The following SEC31A variants were observed in gnomAD, a reference collection of about 807,000 sequenced individuals.
The protein encoded by SEC31A is SEC31 homolog A, COPII component, also known as protein transport protein Sec31A.
In SEC31A, 70 loss-of-function variants were observed where a neutral mutation model predicts 151.0. The observed-to-expected ratio is 0.46, with a 90% CI of 0.38 to 0.57. SEC31A has a LOEUF of 0.57. Among genes scored for constraint, SEC31A ranks in the 20% least tolerant of loss-of-function variants. SEC31A has a pLI of 0.00. For missense variants in SEC31A, 1,330 were observed against 1,471.2 expected (o/e 0.90, Z 1.57); for synonymous variants, 475 against 505.9 (o/e 0.94, Z 0.82).
chr4:82,869,570 T>A (rs1736200336), intron 8 of SEC31A, among the ~76,000 whole-genome samples: 1 of 152,172 alleles, frequency 6.6e-6, no homozygotes, highest in African/African-American at 2.4e-5. Flanking sequence ...GTAAGTTCCA[T>A]GAATTTTGAA....
In SEC31A at chr4:82,853,634, T is replaced by C. The variant is rs778943640; in HGVS notation, c.2090A>G (p.Asn697Ser). ...CCAACATGCAACTAATTTCTCTACA[T>C]TCCCTGCACAAATATAGCAGAGACA... ...QACLCYICAGNVEKLVACWTK... is the reference protein window; with the variant it reads ...QACLCYICAGSVEKLVACWTK... Residue 697 changes from asparagine to serine, a missense_variant, in exon 18 of 27, where the codon AAT (asparagine) becomes AGT (serine). By Grantham distance (46) the Asn-to-Ser change is conservative. Coordinates refer to ENST00000395310, the MANE Select transcript of SEC31A (RefSeq NM_001077207.4). The C allele has an allele frequency of 2.5e-6, 4 of 1,604,590 alleles. No homozygotes were observed. The South Asian group carries it at 4.5e-5, about 18-fold the overall frequency.
intron 17 of SEC31A, 46 bp downstream of exon 17, chr4:82,854,857 C>T (rs775026968): frequency 5.4e-5 from 82 of 1,524,870 alleles, no homozygotes; most frequent in South Asian, 7.8e-5. Context: ...TACAATATAC[C>T]CTGCCACGTA....
intron 22 of SEC31A, among the ~76,000 whole-genome samples, chr4:82,839,498 G>C (rs1415175943): frequency 6.6e-6 from 1 of 152,132 alleles, no homozygotes; most frequent in African/African-American, 2.4e-5. Flanking sequence ...CATCGGCCAG[G>C]CTGGTCTCAA....
intron 4 of SEC31A, among the ~76,000 whole-genome samples, chr4:82,877,216 C>T (rs989683263): frequency 6.6e-5 from 10 of 152,052 alleles, no homozygotes; most frequent in South Asian, 2.1e-4. Flanking sequence ...GGGAGCAAGA[C>T]GCTGTTTCAA....
Position 82,874,675 on chromosome 4 carries a change from C to T in SEC31A, c.575G>A (p.Arg192Gln), listed in dbSNP as rs746816095. 67 of 1,612,934 alleles carry T rather than the reference C, an allele frequency of 4.2e-5. No individual in the cohort carries two copies. The highest frequency in any genetic ancestry group is 8.4e-5 in the Admixed American group (5 of 59,664). Residue 192 changes from arginine (R) to glutamine (Q), a missense_variant, in exon 6 of 27, where the codon CGG becomes CAG. Coordinates refer to ENST00000395310, the MANE Select transcript of SEC31A (RefSeq NM_001077207.4). ...HILASASPSG[R>Q]ATVWDLRKNE... is the part of the protein sequence containing the mutation. Reference sequence around the variant, plus strand: ...TTTTCTAAGATCCCATACAGTGGCCCGGCCACTGGGACTGGCTGATGCTAA... The same window carrying T: ...TTTTCTAAGATCCCATACAGTGGCCTGGCCACTGGGACTGGCTGATGCTAA...
chr4:82,881,651 G>C (rs776341647), intron 2 of SEC31A, among the ~76,000 whole-genome samples: 1 of 152,152 alleles, frequency 6.6e-6, no homozygotes, highest in Admixed American at 6.5e-5. Flanking sequence ...TACAATTCCT[G>C]TGAAGGAAAA....
At chr4:82,841,507 G>A (rs540982787) in intron 22 of SEC31A, among the ~76,000 whole-genome samples, 27 of 123,448 alleles carry the variant, frequency 2.2e-4, no homozygotes, top group East Asian at 2.1e-3. Flanking sequence ...TGGGCTTGGC[G>A]GCTCGTGCCT....
rs769024482 is a variant in SEC31A at position 82,848,869 on chromosome 4, T to C, written c.2437A>G (p.Arg813Gly). The C allele has an allele frequency of 3.7e-5, 59 of 1,614,038 alleles. No individual in the cohort carries two copies. The highest frequency in any genetic ancestry group is 4.7e-5 in the Non-Finnish European group (56 of 1,180,002). ...TGGTGGCCAGCAACTGGTCCAGGCC[T>C]GCCCTTGGGGAGCTGCTGTTTCTCG... ...PYEKQQLPKG[R>G]PGPVAGHHQM... The change falls in exon 20 of 27, where the codon AGG becomes GGG. Residue 813 changes from arginine (R) to glycine (G), a missense_variant. By Grantham distance (125) the Arg-to-Gly change is moderately radical. Transcript: ENST00000395310.
rs748722172 is a variant in SEC31A, at chr4:82,848,879, G to A, written c.2427C>T (p.Leu809=). Residue 809 remains leucine (L), a synonymous_variant, in exon 20 of 27, where the codon CTC becomes CTT. Coordinates refer to ENST00000395310, the MANE Select transcript of SEC31A (RefSeq NM_001077207.4). ...SPKIPYEKQQ[L]PKGRPGPVAG... ...CAACTGGTCCAGGCCTGCCCTTGGG[G>A]AGCTGCTGTTTCTCGTACGGAATTT... 1 of 1,614,108 alleles carries A rather than the reference G, an allele frequency of 6.2e-7. No homozygotes were observed. The highest frequency in any genetic ancestry group is 1.1e-5 in the South Asian group (1 of 91,078).
chr4:82,860,368 G>A (rs1290434467), intron 14 of SEC31A, among the ~76,000 whole-genome samples: 1 of 152,162 alleles, frequency 6.6e-6, no homozygotes, highest in Non-Finnish European at 1.5e-5. Context: ...ATTCATGAGT[G>A]CATTCCCAAA....
At chr4:82,844,126 G>A (rs1390889410) in intron 21 of SEC31A, 1 of 394,462 alleles carries the variant, frequency 2.5e-6, no homozygotes, top group East Asian at 3.6e-5. Context: ...TGGGACACTT[G>A]ATTATCTTTA....
At chr4:82,839,988 A>G (rs1197889802) in intron 22 of SEC31A, among the ~76,000 whole-genome samples, 1 of 140,134 alleles carries the variant, frequency 7.1e-6, no homozygotes, top group Non-Finnish European at 1.5e-5. Flanking sequence ...TGAAATTGCA[A>G]TGATGATAGT....
At chr4:82,864,704 CA>C (rs1734925978) in intron 10 of SEC31A, 106 bp from the exon 11 acceptor site, 3 of 758,918 alleles carry the variant, frequency 4.0e-6, no homozygotes, top group Non-Finnish European at 6.5e-6. Flanking sequence ...TTAGTTGATA[CA>C]ACCTCTCATG....
chr4:82,881,341 TG>T (rs1323336770), intron 2 of SEC31A, among the ~76,000 whole-genome samples: 1 of 151,992 alleles, frequency 6.6e-6, no homozygotes, highest in African/African-American at 2.4e-5. Flanking sequence ...GGTGGACGCC[TG>T]TAGTCCCAGC....
rs766578788 is a variant in SEC31A at position 82,870,437 on chromosome 4, T to A, written c.783-13A>T. On this transcript the variant is annotated splice_polypyrimidine_tract_variant and intron_variant, in intron 7 of 26. Transcript: ENST00000395310. ...TGCCAAAATCCCCCTATAAAAAACA[T>A]AAAGGAACAAGGAAATTTTTAATCT... The A allele has an allele frequency of 6.3e-7, 1 of 1,598,620 alleles. No homozygotes were observed. The highest frequency in any genetic ancestry group is 8.6e-7 in the Non-Finnish European group (1 of 1,167,814).
At chr4:82,892,742 G>A (rs191639443), upstream of SEC31A, among the ~76,000 whole-genome samples, 121 of 152,100 alleles carry the variant, frequency 8.0e-4, no homozygotes, top group African/African-American at 2.6e-3. Context: ...TTTTTGGGGG[G>A]GGGGGCACAA....
intron 14 of SEC31A, 79 bp from the exon 15 acceptor site, chr4:82,857,843 ATTC>A: frequency 2.3e-6 from 2 of 856,834 alleles, no homozygotes; most frequent in East Asian, 5.0e-5. Context: ...TTTACACATG[ATTC>A]TTCATCTACA....
intron 2 of SEC31A, among the ~76,000 whole-genome samples, chr4:82,881,402 T>A (rs984964846): frequency 5.3e-5 from 8 of 151,922 alleles, no homozygotes; most frequent in Non-Finnish European, 1.2e-4. Context: ...GAGGTGGAGC[T>A]TGCAGTGAGC....
In SEC31A at chr4:82,891,130, G is replaced by A. The variant is rs570551768; in HGVS notation, c.-47C>T. The A allele has an allele frequency of 1.4e-5, 22 of 1,535,932 alleles. No homozygotes were observed. In the African/African-American group the frequency reaches 2.7e-4, roughly 19 times the overall value. The stretch of plus-strand genomic sequence containing the variant: ...CAGCCGGATCCTGCGTTAGTGCAGC[G>A]CTCGTCGGACTCTCCCAGCATTCGC... On this transcript the variant is annotated 5_prime_UTR_variant, in exon 1 of 27. Coordinates refer to ENST00000395310, the MANE Select transcript of SEC31A (RefSeq NM_001077207.4).
Sources: allele counts gnomAD v4.1 joint callset (sites outside exome capture counted in the v4.1 genomes callset), GRCh38; gene constraint gnomAD v4.1.1; transcripts MANE v1.5; gene names NCBI Gene and HGNC (gene_info 2026-07-23, HGNC 2026-07-21).